MACF1: variants seen among roughly 807,000 people sequenced by gnomAD.
MACF1 encodes the protein microtubule-actin cross-linking factor 1.
Under a neutral mutation model 854.8 loss-of-function variants are expected in MACF1, and 193 were observed. The ratio of observed to expected loss-of-function variants is 0.23; its 90% CI spans 0.20 to 0.25. The LOEUF (loss-of-function observed/expected upper bound fraction) is 0.25, where lower values mean the gene tolerates loss of function less well. Ranked by LOEUF, MACF1 falls within the 10% of genes least tolerant of loss-of-function variation. The probability of loss-of-function intolerance (pLI) is 1.00; values close to 1 mark genes in which losing one functional copy is unlikely to be tolerated. For missense variants in MACF1, 7,722 were observed against 8,929.1 expected (o/e 0.86, Z 5.45); for synonymous variants, 3,185 against 3,226.7 (o/e 0.99, Z 0.44).
At position 39,430,287 on chromosome 1, in the gene MACF1, A is replaced by G. The variant is rs74066797; in HGVS notation, c.17130+219A>G. Reference sequence around the variant, plus strand: ...TTTACTTTGTAACATTTTAACCTCTATTATTTATTCTCTAAAGAGTGCTTC... The same window carrying G: ...TTTACTTTGTAACATTTTAACCTCTGTTATTTATTCTCTAAAGAGTGCTTC... On this transcript the variant is annotated intron_variant, in intron 65 of 100. Transcript: ENST00000564288. 0.067 allele frequency among the ~76,000 whole-genome samples: 10,224 copies of G among 151,954 alleles called. 895 individuals carry two copies. Among genetic ancestry groups the G allele is most frequent in the African/African-American group, 0.21 (8,538 of 41,376 alleles).
intron 83 of MACF1, 26 bp downstream of exon 83, chr1:39,448,178 C>T (rs776719776): frequency 3.1e-6 from 5 of 1,600,478 alleles, no homozygotes; most frequent in Non-Finnish European, 4.3e-6. Context: ...GCTCTTAGGT[C>T]CCAAGCCATA....
chr1:39,178,452 C>G (rs1644061570), intron 2 of MACF1, among the ~76,000 whole-genome samples: 1 of 152,202 alleles, frequency 6.6e-6, no homozygotes, highest in Non-Finnish European at 1.5e-5. Context: ...TCCTATCATA[C>G]TCCTTGAAAG....
intron 19 of MACF1, 107 bp downstream of exon 19, chr1:39,295,257 G>T: frequency 1.1e-6 from 1 of 891,698 alleles, no homozygotes; most frequent in Non-Finnish European, 1.8e-6. Flanking sequence ...GAAGTGTCAG[G>T]GAACATTTGT....
chr1:39,110,391 C>A (rs543966876), intron 2 of MACF1, among the ~76,000 whole-genome samples: 1 of 151,864 alleles, frequency 6.6e-6, no homozygotes, highest in Non-Finnish European at 1.5e-5. Context: ...GCATGTGCCA[C>A]CATGCCTGGC....
intron 2 of MACF1, among the ~76,000 whole-genome samples, chr1:39,147,277 T>C: frequency 6.6e-6 from 1 of 151,156 alleles, no homozygotes; most frequent in East Asian, 1.9e-4. Flanking sequence ...TCTCTTTTCT[T>C]TTTCCTTCTC....
chr1:39,319,781 C>G (rs1410784203), intron 31 of MACF1, 34 bp downstream of exon 31: 3 of 1,462,424 alleles, frequency 2.1e-6, no homozygotes, highest in Admixed American at 3.4e-5. Flanking sequence ...GAACATGAAT[C>G]ATCACCAGCT....
At chr1:39,448,187 T>C in intron 83 of MACF1, 35 bp downstream of exon 83, 3 of 1,585,406 alleles carry the variant, frequency 1.9e-6, no homozygotes, top group Non-Finnish European at 2.6e-6. Context: ...TCCCAAGCCA[T>C]AGTATTCGCT....
At chr1:39,174,048 ACCGCAC>A (rs1403969756) in intron 2 of MACF1, among the ~76,000 whole-genome samples, 5 of 152,140 alleles carry the variant, frequency 3.3e-5, no homozygotes, top group African/African-American at 1.2e-4. Flanking sequence ...ATCGTGCTTT[ACCGCAC>A]ATTTGTGCAG....
chr1:39,411,747 G>T (rs1295541800), intron 58 of MACF1: 10 of 1,613,826 alleles, frequency 6.2e-6, no homozygotes, highest in Non-Finnish European at 8.5e-6. Context: ...CTTCTGAAGG[G>T]CTGGCTGCAT....
At chr1:39,186,206 CTCTCTCTCTGTGTGTGTG>C (rs1305474115) in intron 2 of MACF1, among the ~76,000 whole-genome samples, 1 of 57,852 alleles carries the variant, frequency 1.7e-5, no homozygotes, top group African/African-American at 6.7e-5. Context: ...CTCTCTCTCT[CTCTCTCTCTGTGTGTGTG>C]TGTGTGTGTG....
chr1:39,215,229 A>ACTTCT lies in MACF1; in HGVS notation c.109+10101_109+10105dup, dbSNP rs370036586. ...TCAGTAGGAAGTGGTGGGTGGAGCCACTTCTCTGTTCTGCTGTCTCCTCTC... is the reference window on the plus strand; with the variant it reads ...TCAGTAGGAAGTGGTGGGTGGAGCCACTTCTCTTCTCTGTTCTGCTGTCTCCTCTC... On this transcript the variant is annotated intron_variant, in intron 1 of 100. Transcript: ENST00000564288. The ACTTCT allele has an allele frequency of 7.9e-4, 120 of 152,666 alleles. 1 individual carries two copies. The highest frequency in any genetic ancestry group is 2.5e-3 in the African/African-American group (102 of 41,516). The allele number at this position is 152,666 out of a possible 1,614,324, so 9.5% of individuals were successfully genotyped here.
At chr1:39,135,832 C>T (rs1427296416) in intron 2 of MACF1, among the ~76,000 whole-genome samples, 1 of 152,076 alleles carries the variant, frequency 6.6e-6, no homozygotes, top group Non-Finnish European at 1.5e-5. Context: ...TGCTTCTCTC[C>T]CTCTCTCCTT....
In MACF1 at chr1:39,358,830, C is replaced by A. The variant is rs753671296; in HGVS notation, c.12077C>A (p.Ala4026Asp). 6.2e-7 allele frequency: 1 copy of A among 1,612,538 alleles called. No homozygotes were observed. Among genetic ancestry groups the A allele is most frequent in the South Asian group, 1.1e-5 (1 of 90,982 alleles). ...NVEKLLSDTV[A>D]SDPGVLQEQL... ...GAGAAGCTCCTCTCAGATACTGTTGCCTCTGACCCTGGAGTTCTCCAGGAG... is the reference window on the plus strand; with the variant it reads ...GAGAAGCTCCTCTCAGATACTGTTGACTCTGACCCTGGAGTTCTCCAGGAG... Residue 4026 changes from alanine to aspartate, a missense_variant, in exon 46 of 101, where the codon GCC becomes GAC. Physicochemically the swap from Ala to Asp is moderately radical, Grantham distance 126. Around this residue, in one of 15 missense-constraint regions of MACF1, gnomAD observed 2,807 missense variants for 3,235.8 expected, o/e 0.87. Coordinates refer to ENST00000564288, the MANE Select transcript of MACF1 (RefSeq NM_001394062.1).
At chr1:39,127,818 C>T (rs1353540733) in intron 2 of MACF1, among the ~76,000 whole-genome samples, 3 of 151,728 alleles carry the variant, frequency 2.0e-5, no homozygotes, top group African/African-American at 7.3e-5. Flanking sequence ...TGCCATGGGG[C>T]CCTAGTCAGA....
intron 2 of MACF1, among the ~76,000 whole-genome samples, chr1:39,120,677 T>C (rs1005209830): frequency 6.6e-5 from 10 of 152,222 alleles, no homozygotes; most frequent in African/African-American, 2.2e-4. Context: ...TGCAAACTTC[T>C]TTTAAAAATT....
Position 39,485,801 on chromosome 1 carries a change from C to T in MACF1, c.*7C>T, listed in dbSNP as rs754158694. ...TCCAGGTCCCAAGCGATAACACTGT[C>T]TAAGCACCCCCAAGCCACTATCCAC... On this transcript the variant is annotated 3_prime_UTR_variant, in exon 101 of 101. Coordinates refer to ENST00000564288, the MANE Select transcript of MACF1 (RefSeq NM_001394062.1). 63 of 1,572,256 alleles carry T rather than the reference C, an allele frequency of 4.0e-5. No individual in the cohort carries two copies. Among genetic ancestry groups the T allele is most frequent in the Middle Eastern group, 1.7e-4 (1 of 5,916 alleles).
Position 39,428,189 on chromosome 1 carries a change from G to C in MACF1, c.16705G>C (p.Val5569Leu). 6.2e-7 allele frequency: 1 copy of C among 1,614,196 alleles called. No homozygotes were observed. The highest frequency in any genetic ancestry group is 2.2e-5 in the East Asian group (1 of 44,890). The change falls in exon 63 of 101, where the codon GTG becomes CTG. Residue 5569 changes from valine to leucine, a missense_variant. By Grantham distance (32) the Val-to-Leu change is conservative. Coordinates refer to ENST00000564288, the MANE Select transcript of MACF1 (RefSeq NM_001394062.1). ...ARLFGEDEVE[V>L]LNWLAEVEDK... ...GCTGTTTGGGGAGGATGAGGTGGAGGTGCTCAACTGGCTGGCTGAGGTTGA... is the reference window on the plus strand; with the variant it reads ...GCTGTTTGGGGAGGATGAGGTGGAGCTGCTCAACTGGCTGGCTGAGGTTGA...
rs56794676 is a variant in MACF1, at chr1:39,444,602, A to G, written c.19432-60A>G. 3.9e-3 allele frequency: 5,758 copies of G among 1,459,440 alleles called. 225 individuals carry two copies. In the African/African-American group the frequency reaches 0.073, roughly 19 times the overall value. The allele number at this position is 1,459,440 out of a possible 1,614,324, so 90.4% of individuals were successfully genotyped here. ...TTTCCCAGACTCTGCTACAGAATCTATATGTAGGTGTCTTCCAGAGAATTC... is the reference window on the plus strand; with the variant it reads ...TTTCCCAGACTCTGCTACAGAATCTGTATGTAGGTGTCTTCCAGAGAATTC... On this transcript the variant is annotated intron_variant, in intron 79 of 100. Coordinates refer to ENST00000564288, the MANE Select transcript of MACF1 (RefSeq NM_001394062.1).
intron 69 of MACF1, among the ~76,000 whole-genome samples, chr1:39,434,931 C>T (rs751826140): frequency 7.2e-5 from 11 of 152,190 alleles, no homozygotes; most frequent in Admixed American, 2.0e-4. Flanking sequence ...TGTTGTTACA[C>T]TCAAGGTATG....
Sources: gnomAD v4.1 joint callset for allele counts (sites outside exome capture counted in the v4.1 genomes callset) on GRCh38, gnomAD v4.1.1 for gene constraint, gnomAD v4.1.1 regional missense constraint, MANE v1.5 for transcripts, NCBI Gene and HGNC (gene_info 2026-07-23, HGNC 2026-07-21) for gene names.